SUMF1: variants seen among roughly 807,000 people sequenced by gnomAD.
SUMF1 encodes formylglycine-generating enzyme.
SUMF1 carries 48 observed loss-of-function variants against 47.6 expected under a neutral mutation model. That is an observed-to-expected ratio of 1.01 (90% CI 0.80 to 1.28). SUMF1 has a LOEUF of 1.28. Ranked by LOEUF, SUMF1 falls within the 50% of genes most tolerant of loss-of-function variation. The pLI is 0.00. For missense variants in SUMF1, 571 were observed against 485.4 expected (o/e 1.18, Z -1.66); for synonymous variants, 230 against 192.1 (o/e 1.20, Z -1.63).
intron 3 of SUMF1, among the ~76,000 whole-genome samples, chr3:4,433,727 T>C (rs1444700971): frequency 1.3e-5 from 2 of 152,248 alleles, no homozygotes; most frequent in Non-Finnish European, 2.9e-5. Context: ...TTCTTTCACA[T>C]TTTGGCATAG....
chr3:4,303,414 C>T (rs1698030257), intron 8 of SUMF1: 2 of 1,556,104 alleles, frequency 1.3e-6, no homozygotes, highest in Non-Finnish European at 1.7e-6. Flanking sequence ...TGTGGGATGG[C>T]GGAGTTTAAG....
rs578239317 is a variant in SUMF1, at chr3:4,247,084, T to A, written c.1014+129246A>T. 2.4e-4 allele frequency among the ~76,000 whole-genome samples: 36 copies of A among 152,296 alleles called. 1 individual carries two copies. The South Asian group carries it at 7.5e-3, about 32-fold the overall frequency. On this transcript the variant is annotated intron_variant and NMD_transcript_variant, in intron 8 of 12. Transcript: ENST00000448413. ...TCTACCCTGTCACTTAAATAGATTC[T>A]CTGGAAATATTAAAACACTATGGCA... is the stretch of plus-strand genomic sequence containing the variant.
At chr3:4,163,170 C>T (rs1694617836) in intron 8 of SUMF1, among the ~76,000 whole-genome samples, 1 of 151,752 alleles carries the variant, frequency 6.6e-6, no homozygotes, top group Non-Finnish European at 1.5e-5. Flanking sequence ...GTAGCCTCCA[C>T]TCTTCTCCCG....
rs143824668 is a variant in SUMF1 at position 4,061,825 on chromosome 3, G to C, written c.1191+6744C>G. Among the ~76,000 whole-genome samples, 164 of 152,214 alleles carry C rather than the reference G, an allele frequency of 1.1e-3. 2 individuals are homozygous for C. The South Asian group carries it at 0.024, about 22-fold the overall frequency. On this transcript the variant is annotated intron_variant and NMD_transcript_variant, in intron 9 of 12. Transcript: ENST00000448413. The stretch of plus-strand genomic sequence containing the variant: ...AGGTTACAGTCTGTTTACACATCTA[G>C]TTAGGTTACAGTGCAGTGTGTAAGG...
intron 7 of SUMF1, among the ~76,000 whole-genome samples, chr3:4,396,326 T>C (rs980936904): frequency 2.0e-5 from 3 of 152,210 alleles, no homozygotes; most frequent in African/African-American, 7.2e-5. Flanking sequence ...CAAACCTCTC[T>C]ATAGTTCACG....
At position 4,418,245 on chromosome 3, in the gene SUMF1, C is replaced by T. The variant is rs1436815188; in HGVS notation, c.603-113G>A. 3 of 1,462,788 alleles carry T rather than the reference C, an allele frequency of 2.1e-6. No homozygotes were observed. The African/African-American group carries it at 4.2e-5, about 20-fold the overall frequency. 90.6% of individuals were successfully genotyped at this position (1,462,788 alleles called of 1,614,324 possible). Reference sequence around the variant, plus strand: ...TCAGTTCAATCTGTGACACTGAGGTCATCCTGGTCCTTAAGTCAAACCCCA... The same window carrying T: ...TCAGTTCAATCTGTGACACTGAGGTTATCCTGGTCCTTAAGTCAAACCCCA... On this transcript the variant is annotated intron_variant, in intron 4 of 8. Coordinates refer to ENST00000272902, the MANE Select transcript of SUMF1 (RefSeq NM_182760.4).
At chr3:4,167,152 GGTGA>G (rs940027795) in intron 8 of SUMF1, among the ~76,000 whole-genome samples, 14 of 152,112 alleles carry the variant, frequency 9.2e-5, no homozygotes, top group African/African-American at 3.1e-4. Context: ...GGGCCTCTGT[GGTGA>G]GTGTTACAGC....
In SUMF1 at chr3:4,145,839, G is replaced by C. The variant is rs557502352; in HGVS notation, c.1015-77094C>G. On this transcript the variant is annotated intron_variant and NMD_transcript_variant, in intron 8 of 12. Transcript: ENST00000448413. ...TATTTTAAGATACTTCTGTCAAAAG[G>C]CTTCCCAGCCCCATTCATCTCTTCC... is the stretch of plus-strand genomic sequence containing the variant. Among the ~76,000 whole-genome samples, 6 of 152,228 alleles carry C rather than the reference G, an allele frequency of 3.9e-5. No homozygotes were observed. The East Asian group carries it at 7.7e-4, about 20-fold the overall frequency.
At chr3:4,217,509 A>ATT (rs1211193043) in intron 8 of SUMF1, among the ~76,000 whole-genome samples, 1 of 71,078 alleles carries the variant, frequency 1.4e-5, no homozygotes, top group African/African-American at 8.4e-5. Flanking sequence ...AACTTAAAGT[A>ATT]TTTTTTATAT....
At position 4,317,479 on chromosome 3, in the gene SUMF1, T is replaced by C. The variant is rs913084305; in HGVS notation, c.1014+58851A>G. 7 of 452,470 alleles carry C rather than the reference T, an allele frequency of 1.5e-5. No homozygotes were observed. The East Asian group carries it at 2.7e-4, about 18-fold the overall frequency. 28.0% of individuals were successfully genotyped at this position (452,470 alleles called of 1,614,324 possible). On this transcript the variant is annotated intron_variant and NMD_transcript_variant, in intron 8 of 12. Transcript: ENST00000448413. ...GGGCAGATCACTTGAGTCCAATTGT[T>C]CAGGACCAGCCTGGGCAACATAGTG...
intron 7 of SUMF1, among the ~76,000 whole-genome samples, chr3:4,407,085 G>GACACACACACACACAC (rs113556805): frequency 6.7e-6 from 1 of 148,562 alleles, no homozygotes; most frequent in African/African-American, 2.5e-5. Flanking sequence ...ACACACATGG[G>GACACACACACACACAC]ACACACACAC....
At chr3:4,355,945 T>G in intron 8 of SUMF1, among the ~76,000 whole-genome samples, 1 of 152,230 alleles carries the variant, frequency 6.6e-6, no homozygotes, top group Non-Finnish European at 1.5e-5. Context: ...CCCTTGAACT[T>G]TCCAATCCTA....
chr3:4,346,814 A>C (rs906622950), intron 8 of SUMF1, among the ~76,000 whole-genome samples: 1 of 152,188 alleles, frequency 6.6e-6, no homozygotes, highest in African/African-American at 2.4e-5. Context: ...GAGAGAGAAG[A>C]ATCAAATAGA....
intron 8 of SUMF1, among the ~76,000 whole-genome samples, chr3:4,099,235 C>G (rs1239484062): frequency 6.6e-6 from 1 of 152,000 alleles, no homozygotes; most frequent in Non-Finnish European, 1.5e-5. Flanking sequence ...CGTACACCAG[C>G]AAGATATTAT....
At chr3:4,447,497 C>G (rs1177709990) in intron 3 of SUMF1, among the ~76,000 whole-genome samples, 2 of 151,982 alleles carry the variant, frequency 1.3e-5, no homozygotes, top group Non-Finnish European at 2.9e-5. Flanking sequence ...GCCAATCTAC[C>G]ACCCAAAATC....
rs544463285 is a variant in SUMF1 at position 4,250,269 on chromosome 3, G to A, written c.1014+126061C>T. Among the ~76,000 whole-genome samples, 112 of 148,068 alleles carry A rather than the reference G, an allele frequency of 7.6e-4. 1 individual carries two copies. Among genetic ancestry groups the A allele is most frequent in the African/African-American group, 2.6e-3 (106 of 40,106 alleles). Reference sequence around the variant, plus strand: ...GAGAGGGAAAGGAAAAGGGAAAGAGGGGGAAAGGGGGAAGGAAGGGAAGAG... The same window carrying A: ...GAGAGGGAAAGGAAAAGGGAAAGAGAGGGAAAGGGGGAAGGAAGGGAAGAG... On this transcript the variant is annotated intron_variant and NMD_transcript_variant, in intron 8 of 12. Coordinates refer to the SUMF1 transcript ENST00000448413.
intron 8 of SUMF1, among the ~76,000 whole-genome samples, chr3:4,255,944 A>G (rs1180780777): frequency 8.1e-6 from 1 of 124,088 alleles, no homozygotes; most frequent in Non-Finnish European, 1.7e-5. Context: ...TCAAACTAGA[A>G]CTCAGGATTA....
At chr3:4,463,319 G>A (rs574500879) in intron 1 of SUMF1, among the ~76,000 whole-genome samples, 150 of 152,180 alleles carry the variant, frequency 9.9e-4, no homozygotes, top group Middle Eastern at 6.8e-3. Context: ...GTAAAACCCC[G>A]TCTCTACTAA....
chr3:4,352,226 C>T (rs1023751825), intron 8 of SUMF1, among the ~76,000 whole-genome samples: 7 of 152,226 alleles, frequency 4.6e-5, no homozygotes, highest in East Asian at 3.9e-4. Flanking sequence ...CTCACTCAAC[C>T]GTGTCACCTG....
Sources: gnomAD v4.1 joint callset for allele counts (sites outside exome capture counted in the v4.1 genomes callset) on GRCh38, gnomAD v4.1.1 for gene constraint, MANE v1.5 for transcripts, NCBI Gene and HGNC (gene_info 2026-07-23, HGNC 2026-07-21) for gene names.